AGBL4: variants seen among roughly 807,000 people sequenced by gnomAD.
AGBL4 encodes cytosolic carboxypeptidase 6.
A neutral mutation model predicts 66.4 loss-of-function variants in AGBL4; 58 were observed. The ratio of observed to expected loss-of-function variants is 0.87; its 90% CI spans 0.71 to 1.09. The LOEUF is 1.09. Among genes scored for constraint, AGBL4 ranks in the 50% least tolerant of loss-of-function variants. The pLI, the probability that AGBL4 is intolerant of heterozygous loss-of-function variation, is 0.00. For synonymous variants in AGBL4, 234 were observed against 222.9 expected (o/e 1.05, Z -0.44); for missense variants, 579 against 631.0 (o/e 0.92, Z 0.88).
chr1:49,161,428 G>C (rs917019047), intron 4 of AGBL4, among the ~76,000 whole-genome samples: 1 of 152,114 alleles, frequency 6.6e-6, no homozygotes, highest in Non-Finnish European at 1.5e-5. Context: ...ACCTCAGTTG[G>C]ATGCAGAAAT....
chr1:48,731,659 T>A (rs1052176551), intron 6 of AGBL4, among the ~76,000 whole-genome samples: 1 of 152,222 alleles, frequency 6.6e-6, no homozygotes, highest in East Asian at 1.9e-4. Flanking sequence ...GTTCCAGGCA[T>A]CCGGAAAAGT....
At chr1:49,546,218 T>A (rs1338945831) in intron 3 of AGBL4, among the ~76,000 whole-genome samples, 1 of 152,072 alleles carries the variant, frequency 6.6e-6, no homozygotes, top group Admixed American at 6.6e-5. Flanking sequence ...AATTCATCCC[T>A]TTTTTATGGC....
At chr1:49,185,963 T>C (rs1449297675) in intron 4 of AGBL4, among the ~76,000 whole-genome samples, 1 of 152,080 alleles carries the variant, frequency 6.6e-6, no homozygotes, top group African/African-American at 2.4e-5. Flanking sequence ...CCCGGGTACT[T>C]TCCCTGTATC....
intron 1 of AGBL4, among the ~76,000 whole-genome samples, chr1:49,852,823 T>C (rs1571717781): frequency 6.6e-6 from 1 of 152,088 alleles, no homozygotes; most frequent in African/African-American, 2.4e-5. Context: ...ACTGTTGCTA[T>C]GGTCATCTTA....
chr1:49,198,358 C>T lies in AGBL4; in HGVS notation c.377+47412G>A, dbSNP rs12097933. On this transcript the variant is annotated intron_variant, in intron 4 of 13. Transcript: ENST00000371839. Reference sequence around the variant, plus strand: ...TACTTTTTTAATTAATTAATTTATTCGAAATGGAGTCTTGCTTTGTAGCCC... The same window carrying T: ...TACTTTTTTAATTAATTAATTTATTTGAAATGGAGTCTTGCTTTGTAGCCC... Among the ~76,000 whole-genome samples the T allele has an allele frequency of 3.6e-4, 54 of 152,034 alleles. 1 individual carries two copies. In the South Asian group the frequency reaches 1.0e-2, roughly 28 times the overall value.
chr1:48,586,805 C>A (rs2148340268), intron 11 of AGBL4, 199 bp downstream of exon 11: 1 of 621,824 alleles, frequency 1.6e-6, no homozygotes, highest in Non-Finnish European at 2.8e-6. Flanking sequence ...TGGAGCATGG[C>A]AATTGGGGTA....
intron 2 of AGBL4, among the ~76,000 whole-genome samples, chr1:49,832,880 A>G (rs1477449788): frequency 1.3e-5 from 2 of 151,984 alleles, no homozygotes; most frequent in East Asian, 3.9e-4. Flanking sequence ...TTCATTGTAG[A>G]TTCTGGATAT....
intron 3 of AGBL4, among the ~76,000 whole-genome samples, chr1:49,680,880 G>T (rs537404986): frequency 5.3e-4 from 80 of 151,088 alleles, no homozygotes; most frequent in African/African-American, 1.9e-3. Context: ...TGATGTTCCT[G>T]ATGCTCTGTT....
intron 6 of AGBL4, among the ~76,000 whole-genome samples, chr1:48,719,780 C>G (rs929404918): frequency 1.2e-4 from 19 of 152,162 alleles, no homozygotes; most frequent in Non-Finnish European, 2.5e-4. Flanking sequence ...AAACATGAAG[C>G]CTTCCATTTT....
intron 3 of AGBL4, among the ~76,000 whole-genome samples, chr1:49,628,430 G>T (rs1036286001): frequency 1.3e-5 from 2 of 152,120 alleles, no homozygotes; most frequent in African/African-American, 4.8e-5. Flanking sequence ...ACTGAATGAG[G>T]CCTGCCAGAT....
At chr1:49,810,931 G>A (rs1645086763) in intron 2 of AGBL4, among the ~76,000 whole-genome samples, 1 of 152,150 alleles carries the variant, frequency 6.6e-6, no homozygotes, top group Non-Finnish European at 1.5e-5. Flanking sequence ...CCTGAACTAA[G>A]ACAATCACAG....
intron 3 of AGBL4, among the ~76,000 whole-genome samples, chr1:49,438,249 A>G (rs1180658807): frequency 9.2e-5 from 14 of 152,200 alleles, no homozygotes; most frequent in Non-Finnish European, 1.8e-4. Context: ...TCTCCTCTAC[A>G]TAGTTGCCTC....
At chr1:49,919,989 A>C (rs1652030781) in intron 1 of AGBL4, among the ~76,000 whole-genome samples, 1 of 152,156 alleles carries the variant, frequency 6.6e-6, no homozygotes, top group African/African-American at 2.4e-5. Flanking sequence ...GAAATGGGGA[A>C]AGGATTCCCT....
intron 1 of AGBL4, among the ~76,000 whole-genome samples, chr1:50,010,538 C>T (rs1016119831): frequency 1.3e-5 from 2 of 150,864 alleles, no homozygotes; most frequent in African/African-American, 2.4e-5. Context: ...CAAAACAAAA[C>T]TGGAGGATCA....
chr1:49,259,955 G>T (rs896628629), intron 3 of AGBL4, among the ~76,000 whole-genome samples: 7 of 149,460 alleles, frequency 4.7e-5, no homozygotes, highest in African/African-American at 1.7e-4. Flanking sequence ...ATAACAAACT[G>T]TCTCTCAGAC....
chr1:48,886,846 C>T (rs1650409194), intron 5 of AGBL4, among the ~76,000 whole-genome samples: 1 of 152,162 alleles, frequency 6.6e-6, no homozygotes. Context: ...CCACCGCGCC[C>T]AGCCACGGTC....
intron 3 of AGBL4, among the ~76,000 whole-genome samples, chr1:49,447,745 A>G (rs1473029058): frequency 6.6e-6 from 1 of 152,036 alleles, no homozygotes; most frequent in East Asian, 1.9e-4. Flanking sequence ...TCACAATACC[A>G]AGTCCCTTTG....
chr1:49,004,413 G>A (rs977507408), intron 5 of AGBL4, among the ~76,000 whole-genome samples: 1 of 152,210 alleles, frequency 6.6e-6, no homozygotes, highest in Non-Finnish European at 1.5e-5. Flanking sequence ...TGAATGGGCT[G>A]AATAAAATGA....
chr1:49,281,282 G>A (rs1296432313), intron 3 of AGBL4, among the ~76,000 whole-genome samples: 1 of 152,210 alleles, frequency 6.6e-6, no homozygotes, highest in Non-Finnish European at 1.5e-5. Flanking sequence ...TTACTCACAT[G>A]ATGAGACTTT....
Sources: allele counts gnomAD v4.1 joint callset (sites outside exome capture counted in the v4.1 genomes callset), GRCh38; gene constraint gnomAD v4.1.1; transcripts MANE v1.5; gene names NCBI Gene and HGNC (gene_info 2026-07-23, HGNC 2026-07-21).